PLCG2: variants seen among roughly 807,000 people sequenced by gnomAD.
PLCG2 encodes the protein phospholipase C gamma 2.
Under a neutral mutation model 175.6 loss-of-function variants are expected in PLCG2, and 69 were observed. That is an observed-to-expected ratio of 0.39 (90% CI 0.32 to 0.48). The LOEUF (loss-of-function observed/expected upper bound fraction) is 0.48, where lower values mean the gene tolerates loss of function less well. Ranked by LOEUF, PLCG2 falls within the 20% of genes least tolerant of loss-of-function variation. The probability of loss-of-function intolerance (pLI) is 0.91; values close to 1 mark genes in which losing one functional copy is unlikely to be tolerated. For missense variants in PLCG2, 1,798 were observed against 1,650.9 expected (o/e 1.09, Z -1.54); for synonymous variants, 827 against 624.0 (o/e 1.33, Z -4.85).
upstream of PLCG2, among the ~76,000 whole-genome samples, chr16:81,775,371 A>G (rs138297442): frequency 1.7e-3 from 261 of 152,330 alleles, no homozygotes; most frequent in African/African-American, 5.8e-3. Context: ...TGAGCAGCCC[A>G]CAGCCATAAA....
intron 5 of PLCG2, among the ~76,000 whole-genome samples, chr16:81,867,310 G>C (rs1428028709): frequency 6.6e-6 from 1 of 152,208 alleles, no homozygotes; most frequent in Non-Finnish European, 1.5e-5. Context: ...AGCTCTGCTG[G>C]ACACTTGGCT....
At chr16:81,893,138 C>T (rs992132368) in intron 11 of PLCG2, among the ~76,000 whole-genome samples, 2 of 152,190 alleles carry the variant, frequency 1.3e-5, no homozygotes, top group Admixed American at 1.3e-4. Flanking sequence ...GGATTACAGG[C>T]ATGAGCCATC....
intron 2 of PLCG2, among the ~76,000 whole-genome samples, chr16:81,797,494 C>G (rs930836427): frequency 2.0e-5 from 3 of 152,204 alleles, no homozygotes; most frequent in Non-Finnish European, 2.9e-5. Flanking sequence ...TTCGGTAGTC[C>G]TGACCCACAG....
At chr16:81,916,305 A>G (rs1909839116) in intron 19 of PLCG2, among the ~76,000 whole-genome samples, 4 of 147,884 alleles carry the variant, frequency 2.7e-5, no homozygotes, top group Non-Finnish European at 6.0e-5. Context: ...AAGAAAAAAA[A>G]CAACGTTTTT....
chr16:81,785,447 A>G (rs1461619962), intron 1 of PLCG2, among the ~76,000 whole-genome samples: 2 of 152,130 alleles, frequency 1.3e-5, no homozygotes, highest in South Asian at 2.1e-4. Context: ...CCATTTGCCA[A>G]AGTCTCCATG....
At chr16:81,841,878 A>G (rs13334419) in intron 2 of PLCG2, among the ~76,000 whole-genome samples, 36,631 of 152,144 alleles carry the variant, frequency 0.24, 4,543 homozygotes, top group African/African-American at 0.29. Context: ...CTTGGCTGAG[A>G]TCAGTAAGCA....
chr16:81,760,695 G>C (rs1910020060), intron 2 of PLCG2, among the ~76,000 whole-genome samples: 2 of 151,282 alleles, frequency 1.3e-5, no homozygotes, highest in South Asian at 2.1e-4. Context: ...AGGATCACTT[G>C]AGGGCAGGAG....
chr16:81,905,873 T>C (rs1260292185), intron 15 of PLCG2, among the ~76,000 whole-genome samples: 1 of 152,134 alleles, frequency 6.6e-6, no homozygotes, highest in Non-Finnish European at 1.5e-5. Flanking sequence ...TTGCCCAGGG[T>C]GATTTCAAAC....
intron 1 of PLCG2, among the ~76,000 whole-genome samples, chr16:81,781,169 C>T (rs987017231): frequency 7.9e-5 from 12 of 152,174 alleles, no homozygotes; most frequent in Middle Eastern, 3.2e-3. Flanking sequence ...TCCCAGCCTC[C>T]GATAAATAGT....
intron 7 of PLCG2, among the ~76,000 whole-genome samples, chr16:81,878,594 C>A (rs976285738): frequency 1.3e-5 from 2 of 152,198 alleles, no homozygotes; most frequent in African/African-American, 4.8e-5. Context: ...TCCCTTCTTC[C>A]TACTGTCTCT....
At chr16:81,910,103 G>A (rs746245128) in intron 17 of PLCG2, among the ~76,000 whole-genome samples, 12 of 151,894 alleles carry the variant, frequency 7.9e-5, no homozygotes, top group Non-Finnish European at 1.5e-4. Flanking sequence ...TGTTGTTGTT[G>A]TTGTTGAGAT....
At chr16:81,877,265 T>G (rs1040683102) in intron 7 of PLCG2, among the ~76,000 whole-genome samples, 1 of 152,166 alleles carries the variant, frequency 6.6e-6, no homozygotes, top group Non-Finnish European at 1.5e-5. Flanking sequence ...CCATCCTGGC[T>G]GACACGGTGA....
At chr16:81,909,855 A>G (rs918708977) in intron 17 of PLCG2, among the ~76,000 whole-genome samples, 8 of 152,320 alleles carry the variant, frequency 5.3e-5, no homozygotes, top group African/African-American at 1.7e-4. Flanking sequence ...TACTGTTATC[A>G]TTCCTGTCAG....
intron 7 of PLCG2, among the ~76,000 whole-genome samples, chr16:81,878,533 C>T (rs1031623586): frequency 6.6e-5 from 10 of 152,146 alleles, no homozygotes; most frequent in Non-Finnish European, 1.3e-4. Flanking sequence ...CAACTACAGC[C>T]CCATTTATCT....
chr16:81,927,772 T>C (rs1243859224), intron 23 of PLCG2, among the ~76,000 whole-genome samples: 2 of 151,998 alleles, frequency 1.3e-5, no homozygotes, highest in Non-Finnish European at 2.9e-5. Context: ...GAGGAAGGAG[T>C]ATTTGACCCT....
At chr16:81,745,132 G>C (rs1182688853) in intron 1 of PLCG2, among the ~76,000 whole-genome samples, 1 of 152,196 alleles carries the variant, frequency 6.6e-6, no homozygotes, top group African/African-American at 2.4e-5. Flanking sequence ...TTGCATCCAG[G>C]TCACTGCAGG....
At chr16:81,875,897 C>T (rs764528127) in intron 7 of PLCG2, among the ~76,000 whole-genome samples, 3 of 151,670 alleles carry the variant, frequency 2.0e-5, no homozygotes, top group South Asian at 2.1e-4. Context: ...CGTTCTGTGA[C>T]GATGTTTGTG....
At chr16:81,854,731 C>G (rs1171421693) in intron 3 of PLCG2, 144 bp downstream of exon 3, 2 of 738,380 alleles carry the variant, frequency 2.7e-6, no homozygotes, top group South Asian at 1.7e-5. Flanking sequence ...CTGCCCCTTT[C>G]TAGCTGTGTG....
intron 6 of PLCG2, among the ~76,000 whole-genome samples, chr16:81,869,793 A>G (rs1172135861): frequency 6.6e-6 from 1 of 152,118 alleles, no homozygotes; most frequent in Non-Finnish European, 1.5e-5. Context: ...TTGTTGTGTA[A>G]TCAAGTTATT....
Sources: allele counts gnomAD v4.1 joint callset (sites outside exome capture counted in the v4.1 genomes callset), GRCh38; gene constraint gnomAD v4.1.1; transcripts MANE v1.5; gene names NCBI Gene and HGNC (gene_info 2026-07-23, HGNC 2026-07-21).